REDIC1: variants seen among roughly 807,000 people sequenced by gnomAD.
REDIC1 encodes regulator of DNA class I crossover intermediates 1, also known as HEI10 Interacting Protein 1.
chr12:39,705,806 TAACTC>T, the REDIC1 span, among the ~76,000 whole-genome samples: 2 of 152,044 alleles, frequency 1.3e-5, no homozygotes, highest in South Asian at 2.1e-4. Context: ...AGAAGGAACA[TAACTC>T]AATATAATAA....
chr12:39,900,858 C>A, the REDIC1 span, among the ~76,000 whole-genome samples: 2 of 152,090 alleles, frequency 1.3e-5, no homozygotes, highest in Admixed American at 6.6e-5. Flanking sequence ...CATATGCAAC[C>A]AAAAAAGATC....
At chr12:39,901,840 G>T in the REDIC1 span, among the ~76,000 whole-genome samples, 1 of 147,690 alleles carries the variant, frequency 6.8e-6, no homozygotes, top group Non-Finnish European at 1.5e-5. Flanking sequence ...TCCCATTACT[G>T]GGTATATACC....
the REDIC1 span, among the ~76,000 whole-genome samples, chr12:39,665,016 G>A: frequency 1.3e-5 from 2 of 152,270 alleles, no homozygotes. Context: ...CTCCCATTCT[G>A]TAGGTTGCCT....
chr12:39,817,710 A>G, the REDIC1 span, among the ~76,000 whole-genome samples: 3 of 152,232 alleles, frequency 2.0e-5, 1 homozygote, highest in African/African-American at 7.2e-5. Context: ...TATATATTTT[A>G]AAATATCTAT....
At chr12:39,683,427 A>G in the REDIC1 span, 1 of 1,597,316 alleles carries the variant, frequency 6.3e-7, no homozygotes, top group Non-Finnish European at 8.6e-7. Flanking sequence ...AAATTTGAAA[A>G]TGATTACCAA....
chr12:39,834,294 G>A, the REDIC1 span, among the ~76,000 whole-genome samples: 1 of 151,944 alleles, frequency 6.6e-6, no homozygotes, highest in African/African-American at 2.4e-5. Context: ...GAAGGGACTA[G>A]GCATGAATTT....
the REDIC1 span, among the ~76,000 whole-genome samples, chr12:39,789,099 G>C: frequency 6.6e-6 from 1 of 151,988 alleles, no homozygotes; most frequent in Non-Finnish European, 1.5e-5. Flanking sequence ...TCACCAATCA[G>C]CTTATTAACT....
chr12:39,714,041 A>G, the REDIC1 span, among the ~76,000 whole-genome samples: 1 of 34,208 alleles, frequency 2.9e-5, no homozygotes, highest in Non-Finnish European at 8.5e-5. Context: ...ATACATGTAT[A>G]TACACATGTA....
the REDIC1 span, among the ~76,000 whole-genome samples, chr12:39,878,371 T>C: frequency 2.6e-5 from 4 of 152,218 alleles, no homozygotes; most frequent in Admixed American, 6.5e-5. Context: ...ACCGACTAAA[T>C]GGTTGTGACC....
At chr12:39,637,288 A>G in the REDIC1 span, among the ~76,000 whole-genome samples, 2 of 152,176 alleles carry the variant, frequency 1.3e-5, no homozygotes, top group East Asian at 3.9e-4. Flanking sequence ...TACCTATTAT[A>G]ATGACAACTA....
the REDIC1 span, chr12:39,716,671 A>G: frequency 1.0e-6 from 1 of 965,372 alleles, no homozygotes; most frequent in East Asian, 2.9e-5. Flanking sequence ...AATTTGTTTT[A>G]CCAGCAGATA....
chr12:39,829,955 CCACTAT>C, the REDIC1 span: 1 of 976,680 alleles, frequency 1.0e-6, no homozygotes, highest in Non-Finnish European at 1.5e-6. Context: ...TGCTTTGCAT[CCACTAT>C]CACCAGTATA....
the REDIC1 span, among the ~76,000 whole-genome samples, chr12:39,741,229 GA>G: frequency 6.6e-6 from 1 of 152,158 alleles, no homozygotes. Flanking sequence ...TTTGCCTTCA[GA>G]ATGTTCATTA....
the REDIC1 span, among the ~76,000 whole-genome samples, chr12:39,726,565 G>A: frequency 1.3e-5 from 2 of 152,116 alleles, no homozygotes; most frequent in African/African-American, 4.8e-5. Flanking sequence ...GTCTATCATT[G>A]ATGGGCATTT....
chr12:39,692,125 G>A, the REDIC1 span: 9 of 1,523,514 alleles, frequency 5.9e-6, no homozygotes, highest in Middle Eastern at 1.8e-4. Flanking sequence ...CAGTATAACT[G>A]TATAAGTTAA....
At chr12:39,797,058 T>C in the REDIC1 span, among the ~76,000 whole-genome samples, 68 of 152,234 alleles carry the variant, frequency 4.5e-4, no homozygotes, top group Non-Finnish European at 8.8e-5. Context: ...AAAAGTACTA[T>C]TTGATAACTT....
the REDIC1 span, chr12:39,829,956 C>T: frequency 1.0e-5 from 10 of 978,842 alleles, no homozygotes; most frequent in Non-Finnish European, 1.5e-6. Flanking sequence ...GCTTTGCATC[C>T]ACTATCACCA....
At chr12:39,877,230 G>GA in the REDIC1 span, among the ~76,000 whole-genome samples, 1 of 152,182 alleles carries the variant, frequency 6.6e-6, no homozygotes, top group Non-Finnish European at 1.5e-5. Flanking sequence ...AATGGACTCA[G>GA]AGTTCCACAT....
chr12:39,626,652 T>C, the REDIC1 span, among the ~76,000 whole-genome samples: 3 of 152,206 alleles, frequency 2.0e-5, no homozygotes, highest in Non-Finnish European at 4.4e-5. Context: ...GCTCTGTTAC[T>C]GTAATGAGGC....
Sources: gnomAD v4.1 joint callset for allele counts (sites outside exome capture counted in the v4.1 genomes callset) on GRCh38, gnomAD v4.1.1 for gene constraint, MANE v1.5 for transcripts, NCBI Gene and HGNC (gene_info 2026-07-23, HGNC 2026-07-21) for gene names.